FNDC3B: variants seen among roughly 807,000 people sequenced by gnomAD.
FNDC3B encodes the protein fibronectin type III domain-containing protein 3B.
In FNDC3B, 12 loss-of-function variants were observed where a neutral mutation model predicts 151.5. That is an observed-to-expected ratio of 0.08 (90% CI 0.05 to 0.13). The LOEUF is 0.13. Ranked by LOEUF, FNDC3B falls within the 10% of genes least tolerant of loss-of-function variation. The probability of loss-of-function intolerance (pLI) is 1.00; values close to 1 mark genes in which losing one functional copy is unlikely to be tolerated. For missense variants in FNDC3B, 1,214 were observed against 1,505.3 expected (o/e 0.81, Z 3.20); for synonymous variants, 528 against 549.0 (o/e 0.96, Z 0.54).
intron 3 of FNDC3B, among the ~76,000 whole-genome samples, chr3:172,212,859 C>G (rs537517026): frequency 1.3e-5 from 2 of 152,308 alleles, no homozygotes; most frequent in South Asian, 4.1e-4. Context: ...CAGTGACCAG[C>G]CTCTGGATTC....
At chr3:172,285,373 G>A (rs529682150) in intron 6 of FNDC3B, among the ~76,000 whole-genome samples, 1 of 152,322 alleles carries the variant, frequency 6.6e-6, no homozygotes, top group South Asian at 2.1e-4. Context: ...TGTTCACACA[G>A]AAGACAAACA....
intron 3 of FNDC3B, among the ~76,000 whole-genome samples, chr3:172,209,621 G>A (rs1002297923): frequency 1.3e-5 from 2 of 152,196 alleles, no homozygotes; most frequent in Non-Finnish European, 2.9e-5. Flanking sequence ...CCGATTATCC[G>A]AAAGGCATCA....
intron 3 of FNDC3B, among the ~76,000 whole-genome samples, chr3:172,185,141 CTG>C (rs1460450585): frequency 6.6e-6 from 1 of 152,202 alleles, no homozygotes; most frequent in Non-Finnish European, 1.5e-5. Flanking sequence ...ATTAATAACA[CTG>C]AACAATCTCC....
chr3:172,249,902 G>T (rs1401385267), intron 5 of FNDC3B, among the ~76,000 whole-genome samples: 1 of 152,114 alleles, frequency 6.6e-6, no homozygotes, highest in Non-Finnish European at 1.5e-5. Flanking sequence ...AATTATGCAG[G>T]GTAACCATAC....
rs1362092772 is a variant in FNDC3B at position 172,307,289 on chromosome 3, G to A, written c.1062-74G>A. ...TTCTGTTCATCTACAGAAAGCCTTA[G>A]GGTGAAACAAAGATAAGAATCCTGG... is the stretch of plus-strand genomic sequence containing the variant. On this transcript the variant is annotated intron_variant, in intron 9 of 25. Transcript: ENST00000415807. The A allele has an allele frequency of 6.7e-6, 10 of 1,484,650 alleles. No individual in the cohort carries two copies. In the Admixed American group the frequency reaches 1.5e-4, roughly 23 times the overall value. The allele number at this position is 1,484,650 out of a possible 1,614,324, so 92.0% of individuals were successfully genotyped here.
At position 172,040,967 on chromosome 3, in the gene FNDC3B, C is replaced by G. The variant is rs1716012155; in HGVS notation, c.-29+1196C>G. Reference sequence around the variant, plus strand: ...AGCTTTTGGAATCTCAGCTCCCACCCTGCCATCCCAGACGAAGGGAAGCAA... The same window carrying G: ...AGCTTTTGGAATCTCAGCTCCCACCGTGCCATCCCAGACGAAGGGAAGCAA... On this transcript the variant is annotated intron_variant, in intron 1 of 25. Transcript: ENST00000415807. The surrounding 1 kb of genome is among the most constrained non-coding windows in gnomAD (Gnocchi z 6.6). Among the ~76,000 whole-genome samples, 1 of 152,214 alleles carries G rather than the reference C, an allele frequency of 6.6e-6. No homozygotes were observed. The highest frequency in any genetic ancestry group is 2.4e-5 in the African/African-American group (1 of 41,462).
chr3:172,240,418 T>G (rs1184274966), intron 4 of FNDC3B, among the ~76,000 whole-genome samples: 1 of 152,222 alleles, frequency 6.6e-6, no homozygotes, highest in Non-Finnish European at 1.5e-5. Context: ...ACCTAACTCC[T>G]TTCTGGTAGA....
chr3:172,192,959 T>C (rs1436123945), intron 3 of FNDC3B, among the ~76,000 whole-genome samples: 1 of 152,150 alleles, frequency 6.6e-6, no homozygotes, highest in Non-Finnish European at 1.5e-5. Flanking sequence ...CTGTAGAGTT[T>C]CAGTATGAAG....
At chr3:172,133,619 G>A (rs769588621) in intron 3 of FNDC3B, 73 bp downstream of exon 3, 2 of 1,044,022 alleles carry the variant, frequency 1.9e-6, no homozygotes, top group Admixed American at 1.7e-5. Context: ...GTTTTTCTGT[G>A]TGTGTCTGCA....
intron 3 of FNDC3B, among the ~76,000 whole-genome samples, chr3:172,140,835 C>T (rs1721591023): frequency 6.6e-6 from 1 of 152,168 alleles, no homozygotes; most frequent in African/African-American, 2.4e-5. Context: ...CTTCCTGTCT[C>T]AGTTATCTTG....
At chr3:172,302,991 A>C (rs1389281086) in intron 9 of FNDC3B, 1 of 144,390 alleles carries the variant, frequency 6.9e-6, no homozygotes, top group Non-Finnish European at 1.5e-5. Flanking sequence ...ATATGTAAAT[A>C]AATTGCATTA....
At chr3:172,199,046 C>T (rs58335963) in intron 3 of FNDC3B, among the ~76,000 whole-genome samples, 6,560 of 152,152 alleles carry the variant, frequency 0.043, 346 homozygotes, top group African/African-American at 0.12. Flanking sequence ...CCAGGCTGGT[C>T]TTAAACTCCT....
chr3:172,229,441 C>T (rs555961370), intron 4 of FNDC3B, among the ~76,000 whole-genome samples: 1 of 151,988 alleles, frequency 6.6e-6, no homozygotes, highest in African/African-American at 2.4e-5. Context: ...CTTTCATGTC[C>T]ATTATTTCCC....
At chr3:172,243,988 G>T (rs762826573) in intron 4 of FNDC3B, among the ~76,000 whole-genome samples, 5 of 152,162 alleles carry the variant, frequency 3.3e-5, no homozygotes, top group Admixed American at 2.6e-4. Flanking sequence ...GGGTCATAGA[G>T]CTGGAAAAAA....
At chr3:172,306,776 A>G (rs1446473864) in intron 9 of FNDC3B, among the ~76,000 whole-genome samples, 1 of 152,246 alleles carries the variant, frequency 6.6e-6, no homozygotes. Context: ...TAAGAGTTAA[A>G]TATTCACGTG....
chr3:172,297,683 C>G (rs564701813), intron 8 of FNDC3B, among the ~76,000 whole-genome samples: 1 of 151,956 alleles, frequency 6.6e-6, no homozygotes, highest in Non-Finnish European at 1.5e-5. Context: ...ACCGTGTTAG[C>G]CAGGATGGTC....
At position 172,247,842 on chromosome 3, in the gene FNDC3B, C is replaced by T. The variant is rs746867943; in HGVS notation, c.508+66C>T. ...ATTACAGCGTTTCAATAGTTCAAGG[C>T]GGTCCTTTGTTTCTTGTGAAATAAG... is the stretch of plus-strand genomic sequence containing the variant. On this transcript the variant is annotated intron_variant, in intron 5 of 25. Coordinates refer to ENST00000415807, the MANE Select transcript of FNDC3B (RefSeq NM_022763.4). 213 of 1,550,600 alleles carry T rather than the reference C, an allele frequency of 1.4e-4. 1 individual carries two copies. Among genetic ancestry groups the T allele is most frequent in the Non-Finnish European group, 1.8e-4 (199 of 1,128,036 alleles).
chr3:172,353,077 C>G lies in FNDC3B; in HGVS notation c.2789C>G (p.Thr930Ser), dbSNP rs763615284. 1 of 1,613,684 alleles carries G rather than the reference C, an allele frequency of 6.2e-7. No individual in the cohort carries two copies. The highest frequency in any genetic ancestry group is 8.5e-7 in the Non-Finnish European group (1 of 1,179,902). Residue 930 changes from threonine (T) to serine (S), a missense_variant, in exon 22 of 26, where the codon ACC becomes AGC. Thr to Ser is a moderately conservative substitution (Grantham distance 58). This residue lies in a region of FNDC3B where 284 missense variants were observed against 392.4 expected (regional missense o/e 0.72). Coordinates refer to ENST00000415807, the MANE Select transcript of FNDC3B (RefSeq NM_022763.4). ...ATGAAAGATCTCCTTCCAGAAACCA[C>G]CTACCGGTGAGTGCAAGGGAGTAGA... ...HVMKDLLPET[T>S]YRIRIQAINE...
chr3:172,094,615 G>A (rs1719008732), intron 1 of FNDC3B, among the ~76,000 whole-genome samples: 1 of 152,100 alleles, frequency 6.6e-6, no homozygotes, highest in Non-Finnish European at 1.5e-5. Context: ...AAGTAATGCT[G>A]CTGTGAATAT....
Sources: allele counts gnomAD v4.1 joint callset (sites outside exome capture counted in the v4.1 genomes callset), GRCh38; gene constraint gnomAD v4.1.1; regional missense constraint gnomAD v4.1.1; non-coding constraint Gnocchi (gnomAD v3.1); transcripts MANE v1.5; gene names NCBI Gene and HGNC (gene_info 2026-07-23, HGNC 2026-07-21).